Variants in ZNF410 observed in about 807,000 individuals in gnomAD.
ZNF410 encodes another partner for ARF 1.
Under a neutral mutation model 54.8 loss-of-function variants are expected in ZNF410, and 18 were observed. That is an observed-to-expected ratio of 0.33 (90% confidence interval 0.23 to 0.49). The LOEUF (loss-of-function observed/expected upper bound fraction) is 0.49. ZNF410 is among the 20% of genes least tolerant of loss of function. ZNF410 has a pLI of 0.99. For missense variants in ZNF410, 405 were observed against 569.6 expected, an observed-to-expected ratio of 0.71 and a Z score of 2.94; for synonymous variants, 191 against 207.3, an observed-to-expected ratio of 0.92 and a Z score of 0.68.
At chr14:73,916,288 C>G (rs561020984) in intron 8 of ZNF410, 2 of 152,278 alleles carry the variant, frequency 1.3e-5, no homozygotes, top group South Asian at 2.1e-4. Flanking sequence ...TCAAGTGATT[C>G]TCATGCCACA....
chr14:73,897,366 T>A (rs1367196923), intron 4 of ZNF410, among the ~76,000 whole-genome samples: 1 of 152,134 alleles, frequency 6.6e-6, no homozygotes, highest in Non-Finnish European at 1.5e-5. Context: ...TAATTCTTTT[T>A]AAAAATAAGG....
At position 73,922,378 on chromosome 14, in the gene ZNF410, A is replaced by T. The variant is rs556777928; in HGVS notation, c.1270+172A>T. On this transcript the variant is annotated intron_variant, in intron 10 of 11. Coordinates refer to ENST00000555044, the MANE Select transcript of ZNF410 (RefSeq NM_021188.3). ...GGATTAGTCAATCTGTTTAAAAAAA[A>T]ATTTTTTTTCATTGAAGATAATATA... 1.4e-5 allele frequency: 9 copies of T among 633,702 alleles called. No homozygotes were observed. In the Admixed American group the frequency reaches 2.0e-4, roughly 14 times the overall value. 39.3% of individuals were successfully genotyped at this position (633,702 alleles called of 1,614,324 possible).
chr14:73,890,732 G>C (rs992082918), intron 1 of ZNF410, among the ~76,000 whole-genome samples: 7 of 152,098 alleles, frequency 4.6e-5, no homozygotes, highest in Admixed American at 3.9e-4. Flanking sequence ...ATAGGGAGTG[G>C]CTGGGCGCAG....
chr14:73,931,427 A>C, intron 11 of ZNF410, 76 bp from the exon 12 acceptor site: 4 of 1,351,262 alleles, frequency 3.0e-6, no homozygotes, highest in Non-Finnish European at 4.2e-6. Flanking sequence ...CTCCACTCTT[A>C]ATACTTTTTA....
chr14:73,889,170 G>A (rs527635155), intron 1 of ZNF410, among the ~76,000 whole-genome samples: 1 of 152,204 alleles, frequency 6.6e-6, no homozygotes, highest in Admixed American at 6.6e-5. Flanking sequence ...GCTGGAATTG[G>A]GGAAGAGGAA....
intron 11 of ZNF410, among the ~76,000 whole-genome samples, chr14:73,926,906 G>A (rs1021583719): frequency 5.9e-5 from 9 of 152,090 alleles, no homozygotes; most frequent in Admixed American, 5.9e-4. Flanking sequence ...TTTCATAAAT[G>A]GTGCTCTTGC....
chr14:73,893,733 A>G (rs868063246), intron 2 of ZNF410, 64 bp from the exon 3 acceptor site: 2 of 1,527,318 alleles, frequency 1.3e-6, no homozygotes, highest in Middle Eastern at 3.5e-4. Context: ...CTTTTGGTAA[A>G]TTCAAAGGTT....
chr14:73,892,551 A>G lies in ZNF410; in HGVS notation c.33+343A>G, dbSNP rs185000982. Among the ~76,000 whole-genome samples the G allele has an allele frequency of 3.9e-5, 6 of 151,994 alleles. No individual in the cohort carries two copies. In the East Asian group the frequency reaches 1.2e-3, roughly 29 times the overall value. ...AAGTATATAAATATTTACTACTACAAATTCTTTTGTTTATTTTATATATAT... is the reference window on the plus strand; with the variant it reads ...AAGTATATAAATATTTACTACTACAGATTCTTTTGTTTATTTTATATATAT... On this transcript the variant is annotated intron_variant, in intron 2 of 11. Transcript: ENST00000555044.
rs1294784247 is a variant in ZNF410 at position 73,909,330 on chromosome 14, T to G, written c.914-11T>G. The G allele has an allele frequency of 1.1e-5, 17 of 1,609,742 alleles. No individual in the cohort carries two copies. Among genetic ancestry groups the G allele is most frequent in the Non-Finnish European group, 1.4e-5 (17 of 1,178,284 alleles). On this transcript the variant is annotated splice_polypyrimidine_tract_variant and intron_variant, in intron 7 of 11. Coordinates refer to ENST00000555044, the MANE Select transcript of ZNF410 (RefSeq NM_021188.3). ...AGAAGACTGAGTCTTTATCTCATTT[T>G]CTGTCTCTAGGAGAGAAACCTTTCC... is the stretch of plus-strand genomic sequence containing the variant.
intron 11 of ZNF410, among the ~76,000 whole-genome samples, chr14:73,923,745 C>A (rs939705081): frequency 2.6e-5 from 4 of 152,140 alleles, no homozygotes; most frequent in Admixed American, 6.6e-5. Context: ...CTTTAAAGTT[C>A]TTTTATATAC....
chr14:73,909,531 TC>T (rs1466838775), intron 8 of ZNF410, 101 bp downstream of exon 8: 4 of 911,222 alleles, frequency 4.4e-6, no homozygotes, highest in Non-Finnish European at 6.8e-6. Flanking sequence ...AACAAACTGT[TC>T]ACTATAAAGA....
intron 8 of ZNF410, chr14:73,913,397 T>C (rs1050711495): frequency 1.3e-5 from 2 of 151,964 alleles, no homozygotes; most frequent in African/African-American, 4.8e-5. Flanking sequence ...AGAGCAAGGT[T>C]GAAGGAAAAA....
Position 73,920,990 on chromosome 14 carries a change from T to C in ZNF410, c.1014T>C (p.Pro338=). 1 of 1,613,984 alleles carries C rather than the reference T, an allele frequency of 6.2e-7. No homozygotes were observed. The highest frequency in any genetic ancestry group is 8.5e-7 in the Non-Finnish European group (1 of 1,179,992). ...TGGTCCCTGTTTCAGGAGAGAAGCC[T>C]CATCAGTGCCAAGTCTGTGGGAAGA... is the stretch of plus-strand genomic sequence containing the variant. ...KHLVVHSGEK[P]HQCQVCGKTF... Residue 338 remains proline, a synonymous_variant, in exon 9 of 12, where the codon CCT becomes CCC. Coordinates refer to ENST00000555044, the MANE Select transcript of ZNF410 (RefSeq NM_021188.3).
chr14:73,895,553 C>T (rs763856293), intron 3 of ZNF410: 8 of 151,746 alleles, frequency 5.3e-5, no homozygotes, highest in Non-Finnish European at 1.2e-4. Context: ...AAAAAAAATG[C>T]ATTCACCTTC....
chr14:73,900,209 A>G (rs1401117094), intron 5 of ZNF410, among the ~76,000 whole-genome samples: 1 of 151,422 alleles, frequency 6.6e-6, no homozygotes, highest in East Asian at 1.9e-4. Context: ...AAAAAAAAAA[A>G]TCACCCCAAA....
chr14:73,925,096 C>T lies in ZNF410; in HGVS notation c.1398+1574C>T, dbSNP rs546576726. 6.6e-5 allele frequency among the ~76,000 whole-genome samples: 10 copies of T among 152,308 alleles called. No individual in the cohort carries two copies. In the South Asian group the frequency reaches 2.1e-3, roughly 32 times the overall value. On this transcript the variant is annotated intron_variant, in intron 11 of 11. Transcript: ENST00000555044. ...ATATCTTTGGGGGTACCCAGGATTACAGGGTTCTGGGCATACATGTTAATG... is the reference window on the plus strand; with the variant it reads ...ATATCTTTGGGGGTACCCAGGATTATAGGGTTCTGGGCATACATGTTAATG...
intron 11 of ZNF410, among the ~76,000 whole-genome samples, chr14:73,923,865 C>G (rs980412702): frequency 2.6e-5 from 4 of 152,116 alleles, no homozygotes; most frequent in African/African-American, 4.8e-5. Flanking sequence ...GTTGACCTCA[C>G]CTGTTAAGTT....
intron 11 of ZNF410, chr14:73,924,898 C>T (rs1247802755): frequency 9.6e-6 from 3 of 313,082 alleles, no homozygotes; most frequent in South Asian, 4.9e-5. Flanking sequence ...AGGATGGTCT[C>T]GATCTCTTGA....
Position 73,923,456 on chromosome 14 carries a change from G to C in ZNF410, c.1332G>C (p.Leu444=), listed in dbSNP as rs150584192. The part of the protein sequence containing the change: ...LSSVPDVTHH[L]VTMQSGRQSY... ...CAGTGCCTGATGTGACACATCACCTGGTGACCATGCAGTCAGGGAGGCAAT... is the reference window on the plus strand; with the variant it reads ...CAGTGCCTGATGTGACACATCACCTCGTGACCATGCAGTCAGGGAGGCAAT... Residue 444 remains leucine (L), a synonymous_variant, in exon 11 of 12, where the codon CTG becomes CTC. Coordinates refer to ENST00000555044, the MANE Select transcript of ZNF410 (RefSeq NM_021188.3). 1 of 1,614,014 alleles carries C rather than the reference G, an allele frequency of 6.2e-7. No homozygotes were observed. The highest frequency in any genetic ancestry group is 1.7e-5 in the Admixed American group (1 of 59,992).
Sources: gnomAD v4.1 joint callset for allele counts (sites outside exome capture counted in the v4.1 genomes callset) on GRCh38, gnomAD v4.1.1 for gene constraint, MANE v1.5 for transcripts, NCBI Gene and HGNC (gene_info 2026-07-23, HGNC 2026-07-21) for gene names.